CNTN5: variants seen among roughly 807,000 people sequenced by gnomAD.
CNTN5 encodes the protein contactin 5.
In CNTN5, 77 loss-of-function variants were observed where a neutral mutation model predicts 129.1. The ratio of observed to expected loss-of-function variants is 0.60; its 90% CI spans 0.50 to 0.72. The LOEUF is 0.72. CNTN5 is among the 30% of genes least tolerant of loss of function. The pLI is 0.00. For synonymous variants in CNTN5, 509 were observed against 465.6 expected (o/e 1.09, Z -1.20); for missense variants, 1,478 against 1,328.8 (o/e 1.11, Z -1.75).
intron 8 of CNTN5, among the ~76,000 whole-genome samples, chr11:99,966,065 G>A (rs1258701496): frequency 6.6e-6 from 1 of 152,154 alleles, no homozygotes; most frequent in African/African-American, 2.4e-5. Flanking sequence ...TGTGGCAAAT[G>A]CCTCTGTAGG....
chr11:99,881,206 G>A (rs931414721), intron 6 of CNTN5, among the ~76,000 whole-genome samples: 14 of 152,140 alleles, frequency 9.2e-5, no homozygotes, highest in Non-Finnish European at 1.5e-4. Flanking sequence ...AGAGCTGCTG[G>A]AGGACACATT....
At chr11:99,822,095 C>G (rs912354751) in intron 4 of CNTN5, among the ~76,000 whole-genome samples, 2 of 152,090 alleles carry the variant, frequency 1.3e-5, no homozygotes, top group Non-Finnish European at 2.9e-5. Context: ...CTGAGGTTGA[C>G]ATGCTCTTAC....
intron 23 of CNTN5, among the ~76,000 whole-genome samples, chr11:100,348,749 A>C (rs1470399814): frequency 2.0e-5 from 3 of 152,066 alleles, no homozygotes; most frequent in African/African-American, 7.2e-5. Flanking sequence ...AGACAAAAGA[A>C]GCTGCTTAAG....
chr11:99,696,343 C>T (rs1468654758), intron 3 of CNTN5, among the ~76,000 whole-genome samples: 1 of 151,956 alleles, frequency 6.6e-6, no homozygotes, highest in Non-Finnish European at 1.5e-5. Context: ...TTGCCTATAC[C>T]CATTTTTATC....
At position 99,798,815 on chromosome 11, in the gene CNTN5, G is replaced by A. The variant is rs114288386; in HGVS notation, c.56-20729G>A. Among the ~76,000 whole-genome samples, 632 of 152,052 alleles carry A rather than the reference G, an allele frequency of 4.2e-3. 9 individuals carry two copies. Among genetic ancestry groups the A allele is most frequent in the African/African-American group, 0.014 (589 of 41,508 alleles). Reference sequence around the variant, plus strand: ...GCTCTGTGAAGAATGATGTTTGTACGTTCGTAGGAATAGCATTGAATTTGC... The same window carrying A: ...GCTCTGTGAAGAATGATGTTTGTACATTCGTAGGAATAGCATTGAATTTGC... On this transcript the variant is annotated intron_variant, in intron 3 of 24. Transcript: ENST00000524871.
intron 2 of CNTN5, among the ~76,000 whole-genome samples, chr11:99,507,376 A>G (rs1015438771): frequency 3.1e-4 from 11 of 35,146 alleles, no homozygotes; most frequent in Non-Finnish European, 7.0e-4. Flanking sequence ...ACTCTGTCTC[A>G]AAAAAAAAAA....
At chr11:99,211,961 T>G (rs60210930) in intron 1 of CNTN5, among the ~76,000 whole-genome samples, 2,138 of 152,336 alleles carry the variant, frequency 0.014, 42 homozygotes, top group African/African-American at 0.048. Flanking sequence ...GATACATACT[T>G]TTTAAATGTG....
chr11:99,706,860 A>G (rs767584728), intron 3 of CNTN5, among the ~76,000 whole-genome samples: 1 of 145,740 alleles, frequency 6.9e-6, no homozygotes, highest in Non-Finnish European at 1.5e-5. Context: ...TTTTTAAGCT[A>G]TAAGGATATG....
intron 2 of CNTN5, among the ~76,000 whole-genome samples, chr11:99,464,829 C>A (rs1041320377): frequency 6.6e-6 from 1 of 152,084 alleles, no homozygotes; most frequent in Non-Finnish European, 1.5e-5. Context: ...ATAGTTTAAT[C>A]AATTGTTACC....
intron 1 of CNTN5, among the ~76,000 whole-genome samples, chr11:99,057,785 AGTGTGTGTGTGTGTGT>A (rs67721084): frequency 6.9e-6 from 1 of 145,020 alleles, no homozygotes; most frequent in African/African-American, 2.5e-5. Flanking sequence ...ATGAAACATA[AGTGTGTGTGTGTGTGT>A]GTGTGTGTGT....
At chr11:99,857,248 T>C (rs1003969238) in intron 6 of CNTN5, among the ~76,000 whole-genome samples, 1 of 152,204 alleles carries the variant, frequency 6.6e-6, no homozygotes, top group African/African-American at 2.4e-5. Context: ...AGATTTCATG[T>C]CTTTTTTATT....
At chr11:100,105,909 C>T (rs1945413899) in intron 13 of CNTN5, among the ~76,000 whole-genome samples, 1 of 152,154 alleles carries the variant, frequency 6.6e-6, no homozygotes, top group Non-Finnish European at 1.5e-5. Flanking sequence ...GTCAAACAAG[C>T]CTTTCTCTCA....
chr11:99,133,004 C>G (rs890525393), intron 1 of CNTN5, among the ~76,000 whole-genome samples: 3 of 151,902 alleles, frequency 2.0e-5, no homozygotes, highest in Admixed American at 2.0e-4. Flanking sequence ...GACTTCAAAC[C>G]GTACTACAAG....
rs551814340 is a variant in CNTN5 at position 99,989,944 on chromosome 11, T to G, written c.878-12090T>G. Among the ~76,000 whole-genome samples the G allele has an allele frequency of 3.9e-5, 6 of 152,230 alleles. No individual in the cohort carries two copies. In the East Asian group the frequency reaches 1.2e-3, roughly 29 times the overall value. The stretch of plus-strand genomic sequence containing the variant: ...CCATGCACAGCTACTTTTTTGTATT[T>G]TTAGTAGAGACGGGGTTTCACCGTG... On this transcript the variant is annotated intron_variant, in intron 8 of 24. Transcript: ENST00000524871.
chr11:99,271,771 G>T (rs1591450862), intron 1 of CNTN5, among the ~76,000 whole-genome samples: 1 of 151,848 alleles, frequency 6.6e-6, no homozygotes, highest in Non-Finnish European at 1.5e-5. Flanking sequence ...TTAGTCGCTT[G>T]CCACATGGAT....
intron 21 of CNTN5, among the ~76,000 whole-genome samples, chr11:100,338,956 G>C (rs1209481923): frequency 6.6e-6 from 1 of 152,040 alleles, no homozygotes; most frequent in East Asian, 1.9e-4. Flanking sequence ...TGGAACCCCA[G>C]AGGGAGTGTT....
At chr11:99,039,093 G>T (rs145963117) in intron 1 of CNTN5, among the ~76,000 whole-genome samples, 45 of 152,084 alleles carry the variant, frequency 3.0e-4, no homozygotes, top group Admixed American at 3.3e-4. Context: ...AATATTAAAC[G>T]ATTGAAAATT....
intron 1 of CNTN5, among the ~76,000 whole-genome samples, chr11:99,164,420 C>G (rs1199457899): frequency 6.6e-6 from 1 of 151,092 alleles, no homozygotes; most frequent in Non-Finnish European, 1.5e-5. Context: ...TTAAAAAACT[C>G]TATAATAGCT....
chr11:100,063,165 G>A, intron 10 of CNTN5, among the ~76,000 whole-genome samples: 1 of 152,044 alleles, frequency 6.6e-6, no homozygotes, highest in East Asian at 1.9e-4. Context: ...TACATAGCAT[G>A]ACTCTACTTA....
Sources: allele counts gnomAD v4.1 joint callset (sites outside exome capture counted in the v4.1 genomes callset), GRCh38; gene constraint gnomAD v4.1.1; transcripts MANE v1.5; gene names NCBI Gene and HGNC (gene_info 2026-07-23, HGNC 2026-07-21).